The following NUP58 variants were observed in gnomAD, a reference collection of about 807,000 sequenced individuals.
NUP58 encodes nucleoporin 58, also known as nucleoporin p58/p45.
A neutral mutation model predicts 70.1 loss-of-function variants in NUP58; 17 were observed. The ratio of observed to expected loss-of-function variants is 0.24; its 90% CI spans 0.17 to 0.36. NUP58 has a LOEUF of 0.36. NUP58 is among the 10% of genes least tolerant of loss of function. The probability of loss-of-function intolerance (pLI) is 1.00; values close to 1 mark genes in which losing one functional copy is unlikely to be tolerated. For missense variants in NUP58, 644 were observed against 701.5 expected (o/e 0.92, Z 0.93); for synonymous variants, 275 against 257.6 (o/e 1.07, Z -0.65).
At chr13:25,307,407 G>A (rs1483127526) in intron 1 of NUP58, among the ~76,000 whole-genome samples, 1 of 151,836 alleles carries the variant, frequency 6.6e-6, no homozygotes, top group East Asian at 1.9e-4. Flanking sequence ...GAAGAGACGA[G>A]GTTTCACCCT....
At chr13:25,310,869 G>A (rs1418296268) in intron 3 of NUP58, among the ~76,000 whole-genome samples, 2 of 152,134 alleles carry the variant, frequency 1.3e-5, no homozygotes, top group African/African-American at 2.4e-5. Context: ...ATGCAGCCTT[G>A]TGTCTACATA....
chr13:25,333,090 A>T (rs2031666590), intron 13 of NUP58: 1 of 985,180 alleles, frequency 1.0e-6, no homozygotes, highest in Non-Finnish European at 1.2e-6. Context: ...TATGATAAAT[A>T]CCTAAACTTG....
At position 25,305,147 on chromosome 13, in the gene NUP58, T is replaced by TTTTG. The variant is rs1555253622; in HGVS notation, c.108-2656_108-2655insGTTT. The stretch of plus-strand genomic sequence containing the variant: ...TCTGTGGGGTTTTTTTTTTTTTTTT[T>TTTTG]TTTTTTTTTTTTTTGAGACAGGGCC... On this transcript the variant is annotated intron_variant, in intron 1 of 15. Transcript: ENST00000381736. Among the ~76,000 whole-genome samples the TTTTG allele has an allele frequency of 8.2e-4, 103 of 125,816 alleles. 2 individuals are homozygous for TTTTG. The highest frequency in any genetic ancestry group is 3.2e-3 in the African/African-American group (101 of 31,348). The allele number at this position is 125,816 out of a possible 152,430, so 82.5% of individuals were successfully genotyped here. A position where few individuals can be genotyped will look rare whatever the true frequency, so the allele number is the denominator to read the frequency against.
At chr13:25,329,908 A>G (rs1306091423) in intron 12 of NUP58, among the ~76,000 whole-genome samples, 1 of 152,118 alleles carries the variant, frequency 6.6e-6, no homozygotes, top group Non-Finnish European at 1.5e-5. Flanking sequence ...TTGCAGCCTC[A>G]ATCTCCTGGG....
At chr13:25,304,090 T>C (rs568451657) in intron 1 of NUP58, among the ~76,000 whole-genome samples, 2 of 152,218 alleles carry the variant, frequency 1.3e-5, no homozygotes, top group East Asian at 3.9e-4. Context: ...ATTACCTGAG[T>C]TGATGAGTGA....
At chr13:25,336,685 C>T (rs1408659589) in intron 13 of NUP58, among the ~76,000 whole-genome samples, 1 of 151,994 alleles carries the variant, frequency 6.6e-6, no homozygotes, top group Non-Finnish European at 1.5e-5. Context: ...TGCGGTAAGC[C>T]TCTTTTAATT....
chr13:25,310,877 A>C (rs906386205), intron 3 of NUP58, among the ~76,000 whole-genome samples: 3 of 152,220 alleles, frequency 2.0e-5, no homozygotes, highest in Non-Finnish European at 4.4e-5. Flanking sequence ...TTGTGTCTAC[A>C]TAATGCCTTG....
intron 10 of NUP58, among the ~76,000 whole-genome samples, chr13:25,325,577 A>G (rs913133226): frequency 6.6e-6 from 1 of 152,152 alleles, no homozygotes; most frequent in African/African-American, 2.4e-5. Context: ...AATGCTTACT[A>G]TTTCCCATGC....
At chr13:25,313,319 T>C (rs1329628436) in intron 4 of NUP58, among the ~76,000 whole-genome samples, 1 of 152,214 alleles carries the variant, frequency 6.6e-6, no homozygotes, top group East Asian at 1.9e-4. Flanking sequence ...GCCTGGCTTA[T>C]GATTCATTTA....
chr13:25,310,032 G>A (rs1171369465), intron 3 of NUP58: 1 of 397,852 alleles, frequency 2.5e-6, no homozygotes, highest in Non-Finnish European at 5.0e-6. Flanking sequence ...GAATCTTCTT[G>A]TTTTCTTTTT....
chr13:25,341,741 A>G lies in NUP58; in HGVS notation c.*1607A>G, dbSNP rs2031962663. 1 of 152,658 alleles carries G rather than the reference A, an allele frequency of 6.6e-6. No individual in the cohort carries two copies. Among genetic ancestry groups the G allele is most frequent in the Non-Finnish European group, 1.5e-5 (1 of 68,028 alleles). 9.5% of individuals were successfully genotyped at this position (152,658 alleles called of 1,614,324 possible). ...CATGATTTCGTTAGTAGACCTATTT[A>G]TGATTCAATTGCAATTTTCAGATAG... is the stretch of plus-strand genomic sequence containing the variant. On this transcript the variant is annotated 3_prime_UTR_variant, in exon 16 of 16. Transcript: ENST00000381736.
At chr13:25,334,072 C>A (rs41290736) in intron 13 of NUP58, 13,905 of 984,910 alleles carry the variant, frequency 0.014, 113 homozygotes, top group Non-Finnish European at 0.016. Flanking sequence ...TATACTAGGG[C>A]TTAGGCATGT....
intron 3 of NUP58, among the ~76,000 whole-genome samples, chr13:25,310,946 T>C (rs1347796700): frequency 6.6e-6 from 1 of 152,200 alleles, no homozygotes; most frequent in Non-Finnish European, 1.5e-5. Context: ...CATTGGGAAC[T>C]GCTAAGGGTT....
chr13:25,311,057 C>G (rs920181157), intron 3 of NUP58, among the ~76,000 whole-genome samples: 1 of 152,102 alleles, frequency 6.6e-6, no homozygotes, highest in Admixed American at 6.5e-5. Context: ...GTAGAGGCAC[C>G]ATGAAAGGCA....
At chr13:25,318,950 G>T (rs1029438575) in intron 6 of NUP58, among the ~76,000 whole-genome samples, 1 of 152,160 alleles carries the variant, frequency 6.6e-6, no homozygotes, top group Admixed American at 6.6e-5. Flanking sequence ...TATTTTTCAC[G>T]GAAGATGGTT....
intron 12 of NUP58, among the ~76,000 whole-genome samples, chr13:25,329,666 A>G (rs763687509): frequency 6.6e-6 from 1 of 152,106 alleles, no homozygotes; most frequent in East Asian, 1.9e-4. Context: ...CTCACAAGAC[A>G]TTTTTTTGTT....
intron 15 of NUP58, among the ~76,000 whole-genome samples, chr13:25,339,626 T>C (rs1171636082): frequency 2.6e-5 from 4 of 152,206 alleles, no homozygotes; most frequent in Non-Finnish European, 4.4e-5. Flanking sequence ...TTCTACATGT[T>C]GATAAAATGT....
intron 3 of NUP58, among the ~76,000 whole-genome samples, chr13:25,311,639 T>C (rs1464766290): frequency 2.0e-5 from 3 of 151,200 alleles, no homozygotes; most frequent in African/African-American, 7.3e-5. Flanking sequence ...CTTCCCAAAG[T>C]GCTGGGATTA....
chr13:25,346,078 A>G (rs999435079), downstream of NUP58, among the ~76,000 whole-genome samples: 7 of 152,244 alleles, frequency 4.6e-5, no homozygotes, highest in African/African-American at 1.7e-4. Flanking sequence ...AGTTTAATTC[A>G]GTAAACATTC....
Sources: gnomAD v4.1 joint callset for allele counts (sites outside exome capture counted in the v4.1 genomes callset) on GRCh38, gnomAD v4.1.1 for gene constraint, MANE v1.5 for transcripts, NCBI Gene and HGNC (gene_info 2026-07-23, HGNC 2026-07-21) for gene names.